SLC36A1: variants seen among roughly 807,000 people sequenced by gnomAD.
SLC36A1 encodes the protein proton-coupled amino acid transporter 1.
SLC36A1 carries 30 observed loss-of-function variants against 47.5 expected under a neutral mutation model. The observed-to-expected ratio is 0.63, with a 90% CI of 0.47 to 0.86. The LOEUF is 0.86. Among genes scored for constraint, SLC36A1 ranks in the 40% least tolerant of loss-of-function variants. SLC36A1 has a pLI of 0.00. For synonymous variants in SLC36A1, 255 were observed against 249.7 expected, an observed-to-expected ratio of 1.02 and a Z score of -0.20; for missense variants, 517 against 606.0, an observed-to-expected ratio of 0.85 and a Z score of 1.54.
the SLC36A1 span, among the ~76,000 whole-genome samples, chr5:151,354,141 T>C: frequency 6.6e-6 from 1 of 152,112 alleles, no homozygotes; most frequent in Admixed American, 6.5e-5. Context: ...CCGTCTCTAC[T>C]CAATATACAA....
the SLC36A1 span, among the ~76,000 whole-genome samples, chr5:151,528,294 G>A: frequency 2.0e-5 from 3 of 152,252 alleles, no homozygotes; most frequent in South Asian, 2.1e-4. Flanking sequence ...TTACATCCTC[G>A]TGTGGACTTC....
At chr5:151,512,883 T>A in the SLC36A1 span, 9 of 461,592 alleles carry the variant, frequency 1.9e-5, no homozygotes, top group Non-Finnish European at 3.1e-5. The surrounding 1 kb of genome is among the most constrained non-coding windows in gnomAD (Gnocchi z 4.1). Context: ...GCTTTGCTGA[T>A]CAAGACCCTG....
chr5:151,432,769 G>C (rs942270727), upstream of SLC36A1, among the ~76,000 whole-genome samples: 13 of 152,212 alleles, frequency 8.5e-5, no homozygotes, highest in East Asian at 2.5e-3. Flanking sequence ...TGAAGATGGA[G>C]GTGGCCACAT....
chr5:151,510,032 G>A, the SLC36A1 span: 2 of 1,613,970 alleles, frequency 1.2e-6, no homozygotes, highest in Admixed American at 1.7e-5. Flanking sequence ...TGTCTCCTGT[G>A]TAAGGATGAG....
At chr5:151,463,001 G>T (rs1755775608) in intron 2 of SLC36A1, among the ~76,000 whole-genome samples, 1 of 151,788 alleles carries the variant, frequency 6.6e-6, no homozygotes, top group East Asian at 1.9e-4. Flanking sequence ...TTAACCTCCT[G>T]AGAAGCTGGG....
chr5:151,363,321 C>T, the SLC36A1 span, among the ~76,000 whole-genome samples: 1 of 152,146 alleles, frequency 6.6e-6, no homozygotes, highest in Non-Finnish European at 1.5e-5. Flanking sequence ...TTTGACATCT[C>T]CTTTGTCTGA....
the SLC36A1 span, among the ~76,000 whole-genome samples, chr5:151,516,294 G>C: frequency 2.0e-5 from 3 of 152,298 alleles, no homozygotes; most frequent in East Asian, 3.9e-4. Flanking sequence ...TGGATCGCTT[G>C]AGGCCAGGAG....
chr5:151,549,369 G>T, the SLC36A1 span: 1 of 1,614,044 alleles, frequency 6.2e-7, no homozygotes, highest in Non-Finnish European at 8.5e-7. Flanking sequence ...CAGCAGCTCT[G>T]TGCCGGGGGC....
At chr5:151,414,287 CA>C in the SLC36A1 span, among the ~76,000 whole-genome samples, 1 of 139,118 alleles carries the variant, frequency 7.2e-6, no homozygotes. Context: ...AAGAAGGGAG[CA>C]TGTTACCTAT....
chr5:151,541,563 G>C, the SLC36A1 span, among the ~76,000 whole-genome samples: 1 of 152,324 alleles, frequency 6.6e-6, no homozygotes, highest in Admixed American at 6.5e-5. Context: ...CATGGGAATG[G>C]GGGGACATGG....
the SLC36A1 span, among the ~76,000 whole-genome samples, chr5:151,361,371 T>A: frequency 6.6e-6 from 1 of 152,228 alleles, no homozygotes; most frequent in African/African-American, 2.4e-5. Flanking sequence ...AACAAACAAC[T>A]CGAAACATCT....
At chr5:151,454,534 G>A (rs1392489554) in intron 1 of SLC36A1, among the ~76,000 whole-genome samples, 2 of 152,048 alleles carry the variant, frequency 1.3e-5, no homozygotes, top group African/African-American at 4.8e-5. Flanking sequence ...TTTTTTCAGG[G>A]ATAAGGGAAC....
At chr5:151,515,482 G>A in the SLC36A1 span, among the ~76,000 whole-genome samples, 2 of 152,100 alleles carry the variant, frequency 1.3e-5, no homozygotes, top group Non-Finnish European at 2.9e-5. Context: ...CCACTTGGAG[G>A]TCTAATGGGC....
chr5:151,393,932 G>A, the SLC36A1 span, among the ~76,000 whole-genome samples: 3 of 151,654 alleles, frequency 2.0e-5, no homozygotes, highest in Non-Finnish European at 4.4e-5. Context: ...TGTATTTCCT[G>A]AATTTGAATG....
At chr5:151,486,844 G>C (rs1422971336) in intron 10 of SLC36A1, among the ~76,000 whole-genome samples, 1 of 152,216 alleles carries the variant, frequency 6.6e-6, no homozygotes, top group Non-Finnish European at 1.5e-5. Context: ...AGGAAGTCAT[G>C]CACTGTAGCA....
At chr5:151,468,370 C>A (rs1196282326) in intron 7 of SLC36A1, among the ~76,000 whole-genome samples, 1 of 129,462 alleles carries the variant, frequency 7.7e-6, no homozygotes. Flanking sequence ...TTTACATATA[C>A]ATGTAATATA....
chr5:151,530,919 A>G, the SLC36A1 span, among the ~76,000 whole-genome samples: 3 of 152,118 alleles, frequency 2.0e-5, no homozygotes, highest in Non-Finnish European at 2.9e-5. Flanking sequence ...GGTAAATTTT[A>G]AAAAATATTG....
the SLC36A1 span, among the ~76,000 whole-genome samples, chr5:151,427,730 T>C: frequency 6.6e-6 from 1 of 152,108 alleles, no homozygotes; most frequent in Non-Finnish European, 1.5e-5. Flanking sequence ...GGGACCCCTG[T>C]GCAGCAACTT....
chr5:151,549,400 C>T, the SLC36A1 span: 63 of 1,614,006 alleles, frequency 3.9e-5, no homozygotes, highest in Non-Finnish European at 4.6e-5. Context: ...GGAACACTTG[C>T]CTCATAATGG....
Sources: gnomAD v4.1 joint callset for allele counts (sites outside exome capture counted in the v4.1 genomes callset) on GRCh38, gnomAD v4.1.1 for gene constraint, Gnocchi (gnomAD v3.1) non-coding constraint, MANE v1.5 for transcripts, NCBI Gene and HGNC (gene_info 2026-07-23, HGNC 2026-07-21) for gene names.